CEP83: variants seen among roughly 807,000 people sequenced by gnomAD.
CEP83 encodes the protein centrosomal protein of 83 kDa.
CEP83 carries 70 observed loss-of-function variants against 101.9 expected under a neutral mutation model. The ratio of observed to expected loss-of-function variants is 0.69; its 90% confidence interval spans 0.57 to 0.84. The LOEUF (loss-of-function observed/expected upper bound fraction) is 0.84. Among genes scored for constraint, CEP83 ranks in the 40% least tolerant of loss-of-function variants. The pLI is 0.00. For missense variants in CEP83, 715 were observed against 787.2 expected, an observed-to-expected ratio of 0.91 and a Z score of 1.10; for synonymous variants, 264 against 267.9, an observed-to-expected ratio of 0.99 and a Z score of 0.14.
At chr12:94,426,099 G>A (rs1045135804) in intron 2 of CEP83, among the ~76,000 whole-genome samples, 1 of 151,144 alleles carries the variant, frequency 6.6e-6, no homozygotes, top group African/African-American at 2.4e-5. Flanking sequence ...TCCAGCCTGG[G>A]TGACAGAGCG....
the CEP83 span, among the ~76,000 whole-genome samples, chr12:94,268,809 G>T: frequency 6.6e-6 from 1 of 151,936 alleles, no homozygotes; most frequent in Non-Finnish European, 1.5e-5. Context: ...TGGCTAGCCT[G>T]GTCTTGAACT....
chr12:94,437,122 T>C (rs561425835), intron 1 of CEP83, among the ~76,000 whole-genome samples: 1 of 151,180 alleles, frequency 6.6e-6, no homozygotes, highest in Non-Finnish European at 1.5e-5. Flanking sequence ...GGCAGGAGGA[T>C]CACTCAAGGT....
chr12:94,272,985 C>T, the CEP83 span, among the ~76,000 whole-genome samples: 7,205 of 152,244 alleles, frequency 0.047, 285 homozygotes, highest in African/African-American at 0.1. Flanking sequence ...CTGGCCTCTT[C>T]GCTTCGCAGC....
At chr12:94,309,578 C>A (rs570641268) in intron 16 of CEP83, among the ~76,000 whole-genome samples, 6 of 152,236 alleles carry the variant, frequency 3.9e-5, no homozygotes, top group African/African-American at 1.2e-4. Flanking sequence ...CAGTTCACTG[C>A]GTTAGTAAAT....
At position 94,341,802 on chromosome 12, in the gene CEP83, T is replaced by A. The variant is rs149135820; in HGVS notation, c.1344-6138A>T. Among the ~76,000 whole-genome samples the A allele has an allele frequency of 7.1e-4, 108 of 152,318 alleles. 1 individual carries two copies. The East Asian group carries it at 0.02, about 28-fold the overall frequency. On this transcript the variant is annotated intron_variant, in intron 11 of 16. Coordinates refer to ENST00000397809, the MANE Select transcript of CEP83 (RefSeq NM_016122.3). ...AACAAAACAAAACCTAAGGGTCAAG[T>A]TCATTATTGTGTTCAAGTAATGACA...
At chr12:94,327,776 A>G (rs2059033099) in intron 14 of CEP83, among the ~76,000 whole-genome samples, 1 of 152,156 alleles carries the variant, frequency 6.6e-6, no homozygotes, top group South Asian at 2.1e-4. Flanking sequence ...CCAAGCCCCA[A>G]TTCTAGACTT....
chr12:94,448,018 A>G (rs772620759), intron 1 of CEP83, among the ~76,000 whole-genome samples: 2 of 152,158 alleles, frequency 1.3e-5, no homozygotes, highest in Non-Finnish European at 2.9e-5. Flanking sequence ...CAAAGGGGGG[A>G]TTATATTACA....
At chr12:94,370,695 A>G (rs1011832420) in intron 8 of CEP83, among the ~76,000 whole-genome samples, 1 of 152,176 alleles carries the variant, frequency 6.6e-6, no homozygotes, top group African/African-American at 2.4e-5. Flanking sequence ...TTCCTTTTAA[A>G]AAGTGTCCAC....
intron 2 of CEP83, among the ~76,000 whole-genome samples, chr12:94,417,143 G>A (rs889095534): frequency 6.6e-6 from 1 of 150,956 alleles, no homozygotes; most frequent in Non-Finnish European, 1.5e-5. Flanking sequence ...GTGAGACCTT[G>A]TCTCAAAAAC....
In CEP83 at chr12:94,411,784, A is replaced by G. The variant is rs1358475978; in HGVS notation, c.237T>C (p.Thr79=). 1.9e-6 allele frequency: 3 copies of G among 1,612,488 alleles called. No homozygotes were observed. Among genetic ancestry groups the G allele is most frequent in the Non-Finnish European group, 2.5e-6 (3 of 1,179,070 alleles). Residue 79 remains threonine, a synonymous_variant, in exon 4 of 17, where the codon ACT becomes ACC. Coordinates refer to ENST00000397809, the MANE Select transcript of CEP83 (RefSeq NM_016122.3). ...ELKHLFNEKQ[T]QQEKLQLLLE... ...GCAGGAGCTGAAGTTTTTCCTGCTGAGTTTGCTTTTCATTAAACAGGTGCT... is the reference window on the plus strand; with the variant it reads ...GCAGGAGCTGAAGTTTTTCCTGCTGGGTTTGCTTTTCATTAAACAGGTGCT...
intron 2 of CEP83, among the ~76,000 whole-genome samples, chr12:94,418,888 A>G (rs968060820): frequency 1.3e-5 from 2 of 152,200 alleles, no homozygotes; most frequent in African/African-American, 4.8e-5. Context: ...AATCTCATCA[A>G]AGGTGTATAT....
intron 11 of CEP83, among the ~76,000 whole-genome samples, chr12:94,362,190 C>T (rs888375738): frequency 6.6e-6 from 1 of 152,162 alleles, no homozygotes; most frequent in African/African-American, 2.4e-5. Flanking sequence ...GATTTCATCT[C>T]ACCAGCTAGA....
rs563210142 is a variant in CEP83 at position 94,395,387 on chromosome 12, C to T, written c.549+5463G>A. Among the ~76,000 whole-genome samples the T allele has an allele frequency of 2.6e-5, 4 of 151,256 alleles. No homozygotes were observed. In the South Asian group the frequency reaches 8.4e-4, roughly 32 times the overall value. On this transcript the variant is annotated intron_variant, in intron 6 of 16. Coordinates refer to ENST00000397809, the MANE Select transcript of CEP83 (RefSeq NM_016122.3). The stretch of plus-strand genomic sequence containing the variant: ...AACAAATTAAAAAAAAAAATAATCA[C>T]TATTATGATGAGTTTCCTCTTTTTC...
At chr12:94,432,736 G>A (rs1359370917) in intron 2 of CEP83, among the ~76,000 whole-genome samples, 1 of 152,130 alleles carries the variant, frequency 6.6e-6, no homozygotes, top group Non-Finnish European at 1.5e-5. Context: ...AGCTACAAGA[G>A]AGGACTTTAA....
chr12:94,275,128 C>T, the CEP83 span, among the ~76,000 whole-genome samples: 27,441 of 152,106 alleles, frequency 0.18, 2,654 homozygotes, highest in Admixed American at 0.23. Context: ...ACTCAGGGCC[C>T]TGACCCCCAC....
rs566432491 is a variant in CEP83 at position 94,326,984 on chromosome 12, A to C, written c.1707+4716T>G. Among the ~76,000 whole-genome samples the C allele has an allele frequency of 5.3e-5, 8 of 152,296 alleles. No homozygotes were observed. In the East Asian group the frequency reaches 1.5e-3, roughly 29 times the overall value. ...TTGTCATAGCAGCCCTAGGAAACTA[A>C]TATAGTGCCTGACTAAATTTGGAGA... is the stretch of plus-strand genomic sequence containing the variant. On this transcript the variant is annotated intron_variant, in intron 14 of 16. Transcript: ENST00000397809.
the CEP83 span, among the ~76,000 whole-genome samples, chr12:94,297,848 T>A: frequency 6.6e-6 from 1 of 152,236 alleles, no homozygotes; most frequent in Admixed American, 6.5e-5. Context: ...TTGTTTTTCA[T>A]TTTAAAATTA....
At chr12:94,460,092 A>C (rs894343251), upstream of CEP83, 1 of 152,180 alleles carries the variant, frequency 6.6e-6, no homozygotes, top group African/African-American at 2.4e-5. Context: ...TGACAGCGGC[A>C]GCGGCGGGGC....
At chr12:94,411,357 T>C (rs2063868187) in intron 4 of CEP83, among the ~76,000 whole-genome samples, 1 of 152,142 alleles carries the variant, frequency 6.6e-6, no homozygotes, top group African/African-American at 2.4e-5. Context: ...TTATAATGCA[T>C]ATACAAATAC....
Sources: allele counts gnomAD v4.1 joint callset (sites outside exome capture counted in the v4.1 genomes callset), GRCh38; gene constraint gnomAD v4.1.1; transcripts MANE v1.5; gene names NCBI Gene and HGNC (gene_info 2026-07-23, HGNC 2026-07-21).